ATRNL1: variants seen among roughly 807,000 people sequenced by gnomAD.
ATRNL1 encodes attractin-like protein 1.
Under a neutral mutation model 182.7 loss-of-function variants are expected in ATRNL1, and 95 were observed. The observed-to-expected ratio is 0.52, with a 90% CI of 0.44 to 0.62. The LOEUF (loss-of-function observed/expected upper bound fraction) is 0.62, where lower values mean the gene tolerates loss of function less well. ATRNL1 is among the 20% of genes least tolerant of loss of function. The pLI is 0.00. For synonymous variants in ATRNL1, 576 were observed against 568.3 expected (o/e 1.01, Z -0.19); for missense variants, 1,471 against 1,679.5 (o/e 0.88, Z 2.17).
chr10:115,582,230 C>A (rs1337796306), intron 26 of ATRNL1, among the ~76,000 whole-genome samples: 1 of 106,862 alleles, frequency 9.4e-6, no homozygotes, highest in Non-Finnish European at 2.1e-5. Flanking sequence ...TTTATAGCAG[C>A]ATGATTTATA....
intron 26 of ATRNL1, among the ~76,000 whole-genome samples, chr10:115,606,282 A>G (rs562054663): frequency 3.9e-5 from 6 of 152,110 alleles, no homozygotes; most frequent in Non-Finnish European, 8.8e-5. Flanking sequence ...CAACACACTC[A>G]TAGAAAAAAA....
chr10:115,140,831 G>A (rs782125341), intron 5 of ATRNL1, among the ~76,000 whole-genome samples: 9 of 152,016 alleles, frequency 5.9e-5, no homozygotes, highest in Non-Finnish European at 8.8e-5. Context: ...GTTTTGTTGC[G>A]TAGTGCCTCT....
intron 5 of ATRNL1, among the ~76,000 whole-genome samples, chr10:115,135,653 A>G (rs989517884): frequency 3.5e-4 from 53 of 152,192 alleles, no homozygotes; most frequent in African/African-American, 1.3e-3. Context: ...GAAGCTACCA[A>G]TGAGTTTCTT....
At chr10:115,396,372 T>C (rs1554955588) in intron 20 of ATRNL1, among the ~76,000 whole-genome samples, 1 of 151,990 alleles carries the variant, frequency 6.6e-6, no homozygotes, top group Admixed American at 6.6e-5. Flanking sequence ...GCCAACTTCA[T>C]GGGCACGTGG....
At chr10:115,710,592 G>C (rs1291929060) in intron 26 of ATRNL1, among the ~76,000 whole-genome samples, 1 of 152,152 alleles carries the variant, frequency 6.6e-6, no homozygotes, top group African/African-American at 2.4e-5. Flanking sequence ...AGAAGACAGA[G>C]AGAATAGTAA....
Position 115,241,657 on chromosome 10 carries a change from C to T in ATRNL1, c.1619C>T (p.Thr540Ile). Reference protein sequence around the residue: ...NGAMLIFGGNTHNDTSLSNGA... With the variant: ...NGAMLIFGGNIHNDTSLSNGA... The stretch of plus-strand genomic sequence containing the variant: ...GCTATGCTTATTTTTGGAGGAAATA[C>T]CCATAATGACACTTCCTTGAGTAAC... The change falls in exon 10 of 29, where the codon ACC (threonine) becomes ATC (isoleucine). Residue 540 changes from threonine (T) to isoleucine (I), a missense_variant. Physicochemically the swap from Thr to Ile is moderately conservative, Grantham distance 89. Transcript: ENST00000355044. 1 of 1,610,818 alleles carries T rather than the reference C, an allele frequency of 6.2e-7. No individual in the cohort carries two copies. Among genetic ancestry groups the T allele is most frequent in the South Asian group, 1.1e-5 (1 of 90,820 alleles).
chr10:115,494,960 T>TG (rs1849472964), intron 24 of ATRNL1, among the ~76,000 whole-genome samples: 1 of 152,198 alleles, frequency 6.6e-6, no homozygotes, highest in Admixed American at 6.6e-5. Flanking sequence ...TGAATCTGTC[T>TG]GGTCTTGGGT....
chr10:115,477,848 C>T (rs1336106), intron 24 of ATRNL1, among the ~76,000 whole-genome samples: 107,493 of 151,156 alleles, frequency 0.71, 39,423 homozygotes, highest in African/African-American at 0.82. Flanking sequence ...TATTGTGATT[C>T]TTAAAAATAT....
At chr10:115,154,324 A>G (rs1237933383) in intron 5 of ATRNL1, among the ~76,000 whole-genome samples, 2 of 152,032 alleles carry the variant, frequency 1.3e-5, no homozygotes, top group Admixed American at 1.3e-4. Flanking sequence ...AAAGTCTCCC[A>G]TTATTATTGT....
chr10:115,115,829 C>T (rs1034717324), intron 1 of ATRNL1, among the ~76,000 whole-genome samples: 3 of 152,030 alleles, frequency 2.0e-5, no homozygotes, highest in Non-Finnish European at 4.4e-5. Context: ...AATTATATAT[C>T]CATAGTCAGG....
chr10:115,288,644 C>T lies in ATRNL1; in HGVS notation c.2415+2247C>T, dbSNP rs1221086378. Among the ~76,000 whole-genome samples, 6 of 151,944 alleles carry T rather than the reference C, an allele frequency of 3.9e-5. No homozygotes were observed. In the South Asian group the frequency reaches 6.2e-4, roughly 16 times the overall value. On this transcript the variant is annotated intron_variant, in intron 15 of 28. Coordinates refer to ENST00000355044, the MANE Select transcript of ATRNL1 (RefSeq NM_207303.4). ...TCAAGCAATTCTTCCGCCTCAGCCT[C>T]CCGAGTAGCTGGGATTACAGGCGTG...
At chr10:115,567,681 G>A (rs902615887) in intron 26 of ATRNL1, among the ~76,000 whole-genome samples, 6 of 151,964 alleles carry the variant, frequency 3.9e-5, no homozygotes, top group Non-Finnish European at 8.8e-5. Flanking sequence ...GAATAATGCA[G>A]GAACTTTTTT....
At chr10:115,514,157 G>T (rs548250109) in intron 24 of ATRNL1, among the ~76,000 whole-genome samples, 2 of 152,024 alleles carry the variant, frequency 1.3e-5, no homozygotes, top group Non-Finnish European at 2.9e-5. Context: ...AGTATCATGT[G>T]TAACCTAATT....
At chr10:115,546,072 T>C (rs986626248) in intron 25 of ATRNL1, among the ~76,000 whole-genome samples, 1 of 152,192 alleles carries the variant, frequency 6.6e-6, no homozygotes, top group Non-Finnish European at 1.5e-5. Flanking sequence ...CTCAGCATAG[T>C]GCTTGGTACA....
intron 9 of ATRNL1, among the ~76,000 whole-genome samples, chr10:115,216,380 G>T (rs1554896247): frequency 6.6e-6 from 1 of 152,094 alleles, no homozygotes; most frequent in Non-Finnish European, 1.5e-5. Flanking sequence ...CACCAACAGG[G>T]TATGTGTCCC....
chr10:115,282,905 G>T (rs1852436291), intron 14 of ATRNL1, among the ~76,000 whole-genome samples: 1 of 151,612 alleles, frequency 6.6e-6, no homozygotes, highest in South Asian at 2.1e-4. Context: ...TGCCATGGTG[G>T]TTTGCTGCAC....
chr10:115,260,433 G>A (rs1851346604), intron 10 of ATRNL1, among the ~76,000 whole-genome samples: 1 of 152,168 alleles, frequency 6.6e-6, no homozygotes, highest in Admixed American at 6.5e-5. Flanking sequence ...CTGACATTTG[G>A]AGGTCTCTAA....
intron 20 of ATRNL1, among the ~76,000 whole-genome samples, chr10:115,411,535 T>G (rs1565013752): frequency 1.3e-5 from 2 of 151,896 alleles, no homozygotes; most frequent in East Asian, 3.9e-4. Context: ...AGTATGATTA[T>G]CTCTTTGCTT....
chr10:115,169,251 G>A (rs1367550444), intron 7 of ATRNL1, among the ~76,000 whole-genome samples: 2 of 147,352 alleles, frequency 1.4e-5, no homozygotes, highest in Non-Finnish European at 3.0e-5. Flanking sequence ...CTGTCACCCA[G>A]GCTGGAGTGC....
Sources: allele counts gnomAD v4.1 joint callset (sites outside exome capture counted in the v4.1 genomes callset), GRCh38; gene constraint gnomAD v4.1.1; transcripts MANE v1.5; gene names NCBI Gene and HGNC (gene_info 2026-07-23, HGNC 2026-07-21).